MRPL46: variants seen among roughly 807,000 people sequenced by gnomAD.
MRPL46 encodes large ribosomal subunit protein mL46.
In MRPL46, 26 loss-of-function variants were observed where a neutral mutation model predicts 31.0. The observed-to-expected ratio is 0.84, with a 90% CI of 0.61 to 1.16. The LOEUF is 1.16. Ranked by LOEUF, MRPL46 falls within the 50% of genes most tolerant of loss-of-function variation. MRPL46 has a pLI of 0.00. For missense variants in MRPL46, 395 were observed against 340.0 expected, an observed-to-expected ratio of 1.16 and a Z score of -1.27; for synonymous variants, 159 against 141.3, an observed-to-expected ratio of 1.13 and a Z score of -0.89.
At chr15:88,464,897 G>A (rs1237876704) in intron 2 of MRPL46, 21 bp from the exon 3 acceptor site, 1 of 1,609,550 alleles carries the variant, frequency 6.2e-7, no homozygotes, top group Non-Finnish European at 8.5e-7. Context: ...GGGGGTCAGA[G>A]GAGGTAAGAA....
intron 3 of MRPL46, 97 bp from the exon 4 acceptor site, chr15:88,459,960 T>C: frequency 6.8e-7 from 1 of 1,472,874 alleles, no homozygotes; most frequent in Non-Finnish European, 9.2e-7. Context: ...CTGCAAGATC[T>C]GGCCCTGAGG....
chr15:88,460,282 C>T (rs576845639), intron 3 of MRPL46: 6 of 187,364 alleles, frequency 3.2e-5, no homozygotes, highest in African/African-American at 1.2e-4. Context: ...TCAGCCCAGT[C>T]GCTAACTGTT....
chr15:88,465,555 C>T (rs772374069), intron 2 of MRPL46, 32 bp downstream of exon 2: 13 of 1,513,436 alleles, frequency 8.6e-6, no homozygotes, highest in Non-Finnish European at 1.1e-5. Flanking sequence ...CCCCTTTTCC[C>T]TTCCTTCTGG....
intron 3 of MRPL46, chr15:88,460,204 G>A (rs569063094): frequency 1.9e-5 from 5 of 262,500 alleles, no homozygotes; most frequent in African/African-American, 9.5e-5. Flanking sequence ...CAGCCCAGTC[G>A]CTATGCTGGC....
intron 1 of MRPL46, among the ~76,000 whole-genome samples, 187 bp from the exon 2 acceptor site, chr15:88,465,960 C>T (rs2055526067): frequency 6.6e-6 from 1 of 152,130 alleles, no homozygotes; most frequent in Non-Finnish European, 1.5e-5. Context: ...GTCCTCTGAA[C>T]TTTGGGCTTG....
At chr15:88,465,563 T>C in intron 2 of MRPL46, 24 bp downstream of exon 2, 1 of 1,530,620 alleles carries the variant, frequency 6.5e-7, no homozygotes, top group South Asian at 1.3e-5. Flanking sequence ...CCCTTCCTTC[T>C]GGCTGGCCTA....
chr15:88,465,566 C>G, intron 2 of MRPL46, 21 bp downstream of exon 2: 1 of 1,529,026 alleles, frequency 6.5e-7, no homozygotes, highest in Non-Finnish European at 8.8e-7. Flanking sequence ...TTCCTTCTGG[C>G]TGGCCTAAAA....
Position 88,467,358 on chromosome 15 carries a change from C to A in MRPL46, c.20G>T (p.Arg7Leu). The A allele has an allele frequency of 3.8e-6, 6 of 1,586,808 alleles. No homozygotes were observed. Among genetic ancestry groups the A allele is most frequent in the Non-Finnish European group, 5.1e-6 (6 of 1,166,168 alleles). Reference sequence around the variant, plus strand: ...ACCCCCCGCCACCCCTAACAGCGTCCGCCTTACGGGCGCCGCCATCTTTCG... The same window carrying A: ...ACCCCCCGCCACCCCTAACAGCGTCAGCCTTACGGGCGCCGCCATCTTTCG... MAAPVR[R>L]TLLGVAGGWR... The change falls in exon 1 of 4, where the codon CGG (arginine) becomes CTG (leucine). Residue 7 changes from arginine to leucine, a missense_variant. Transcript: ENST00000312475.
At chr15:88,465,444 T>A (rs1302841249) in intron 2 of MRPL46, 143 bp downstream of exon 2, 15 of 866,710 alleles carry the variant, frequency 1.7e-5, no homozygotes, top group African/African-American at 3.5e-5. Context: ...TAAGTCGTAT[T>A]ATGGTAGATG....
At chr15:88,464,156 C>T (rs1228006085) in intron 3 of MRPL46, 1 of 153,076 alleles carries the variant, frequency 6.5e-6, no homozygotes, top group Non-Finnish European at 1.5e-5. Flanking sequence ...AGAGATACTG[C>T]TAAACATCCT....
chr15:88,465,240 A>C, intron 2 of MRPL46: 3 of 415,776 alleles, frequency 7.2e-6, no homozygotes, highest in Non-Finnish European at 1.3e-5. Flanking sequence ...CTGTGAAACA[A>C]GGAAAACAGA....
intron 1 of MRPL46, among the ~76,000 whole-genome samples, chr15:88,466,567 TA>T (rs1404412088): frequency 1.3e-5 from 2 of 152,034 alleles, no homozygotes; most frequent in African/African-American, 4.8e-5. Context: ...AGCGAGCGAG[TA>T]AATGAATAAA....
chr15:88,466,274 C>T (rs1165608019), intron 1 of MRPL46, among the ~76,000 whole-genome samples: 1 of 152,228 alleles, frequency 6.6e-6, no homozygotes, highest in Non-Finnish European at 1.5e-5. Flanking sequence ...TTCAGAAAGT[C>T]TGAGGCATTC....
At position 88,459,792 on chromosome 15, in the gene MRPL46, T is replaced by G; in HGVS notation, c.661A>C (p.Met221Leu). ...GCTCCGAGGTTACTCTCTGTCCGCA[T>G]TGCCTGGGGGAACTTGAATGTGTAG... is the stretch of plus-strand genomic sequence containing the variant. ...GHYTFKFPQA[M>L]RTESNLGAKV... Residue 221 changes from methionine to leucine, a missense_variant, in exon 4 of 4, where the codon ATG (methionine) becomes CTG (leucine). Physicochemically the swap from Met to Leu is conservative, Grantham distance 15 (BLOSUM62 2). Coordinates refer to ENST00000312475, the MANE Select transcript of MRPL46 (RefSeq NM_022163.4). 1 of 1,614,226 alleles carries G rather than the reference T, an allele frequency of 6.2e-7. No individual in the cohort carries two copies. Among genetic ancestry groups the G allele is most frequent in the Non-Finnish European group, 8.5e-7 (1 of 1,180,046 alleles).
chr15:88,462,102 T>A (rs952319348), intron 3 of MRPL46: 1 of 152,150 alleles, frequency 6.6e-6, no homozygotes, highest in Non-Finnish European at 1.5e-5. Context: ...TTACACTACA[T>A]TTACGAGACA....
intron 3 of MRPL46, 148 bp from the exon 4 acceptor site, chr15:88,460,011 A>G: frequency 2.0e-6 from 2 of 980,972 alleles, no homozygotes; most frequent in Admixed American, 2.8e-5. Flanking sequence ...CCATTCCTGA[A>G]AAGAGGCTCC....
chr15:88,466,936 A>G, intron 1 of MRPL46, among the ~76,000 whole-genome samples: 1 of 152,242 alleles, frequency 6.6e-6, no homozygotes, highest in Admixed American at 6.5e-5. Flanking sequence ...ATGAACAAGA[A>G]GTAGAGTATC....
chr15:88,467,165 CG>C lies in MRPL46; in HGVS notation c.212del (p.Ala71GlyfsTer9). On this transcript the variant is annotated frameshift_variant, in exon 1 of 4. Coordinates refer to ENST00000312475, the MANE Select transcript of MRPL46 (RefSeq NM_022163.4). LOFTEE classifies it high-confidence loss of function. ...KPLTPLQEEM[A>X]SLLQQIEIER... ...TCAGTCCCACCTGCTGCAGTAGAGA[CG>C]CCATCTCTTCCTGCAATGGGGTCAA... 6.2e-7 allele frequency: 1 copy of C among 1,614,002 alleles called. No homozygotes were observed. The highest frequency in any genetic ancestry group is 8.5e-7 in the Non-Finnish European group (1 of 1,179,894).
Position 88,459,648 on chromosome 15 carries a change from G to C in MRPL46, c.805C>G (p.Leu269Val). 1 of 1,614,208 alleles carries C rather than the reference G, an allele frequency of 6.2e-7. No homozygotes were observed. The highest frequency in any genetic ancestry group is 1.7e-5 in the Admixed American group (1 of 60,030). ...ELGDYLKPKYLAQVRRFVSDL is the reference protein window; with the variant it reads ...ELGDYLKPKYVAQVRRFVSDL ...GAAACAAACCTCCTAACTTGGGCCA[G>C]GTATTTTGGTTTCAAATAGTCACCC... The change falls in exon 4 of 4, where the codon CTG (leucine) becomes GTG (valine). Residue 269 changes from leucine (L) to valine (V), a missense_variant. Transcript: ENST00000312475.
Sources: gnomAD v4.1 joint callset for allele counts (sites outside exome capture counted in the v4.1 genomes callset) on GRCh38, gnomAD v4.1.1 for gene constraint, MANE v1.5 for transcripts, NCBI Gene and HGNC (gene_info 2026-07-23, HGNC 2026-07-21) for gene names.